The following CFAP70 variants were observed in gnomAD, a reference collection of about 807,000 sequenced individuals.
CFAP70 encodes the protein cilia and flagella associated protein 70.
A neutral mutation model predicts 137.6 loss-of-function variants in CFAP70; 81 were observed. The ratio of observed to expected loss-of-function variants is 0.59; its 90% CI spans 0.49 to 0.71. The LOEUF is 0.71. CFAP70 is among the 30% of genes least tolerant of loss of function. The pLI, the probability that CFAP70 is intolerant of heterozygous loss-of-function variation, is 0.00. For missense variants in CFAP70, 976 were observed against 1,226.7 expected, an observed-to-expected ratio of 0.80 and a Z score of 3.05; for synonymous variants, 382 against 423.6, an observed-to-expected ratio of 0.90 and a Z score of 1.20.
chr10:73,343,315 C>T (rs555595773), intron 5 of CFAP70, among the ~76,000 whole-genome samples: 96 of 152,134 alleles, frequency 6.3e-4, no homozygotes, highest in African/African-American at 2.1e-3. Flanking sequence ...TGATGCTGCG[C>T]CAACCCAGGA....
intron 16 of CFAP70, among the ~76,000 whole-genome samples, chr10:73,292,888 T>A (rs541400557): frequency 4.6e-5 from 7 of 152,192 alleles, no homozygotes; most frequent in Non-Finnish European, 1.0e-4. Context: ...CGGTGTCACG[T>A]CTAAGAACTC....
intron 26 of CFAP70, among the ~76,000 whole-genome samples, chr10:73,254,965 C>G (rs983184198): frequency 3.0e-4 from 46 of 152,258 alleles, no homozygotes; most frequent in African/African-American, 1.1e-3. Context: ...ACTTGCAATT[C>G]ATAACTAATA....
At chr10:73,299,521 A>T in intron 13 of CFAP70, 84 bp downstream of exon 14, 13 of 1,125,354 alleles carry the variant, frequency 1.2e-5, no homozygotes, top group Non-Finnish European at 1.6e-5. Context: ...CTTCTGGAAG[A>T]CATATTAAAG....
chr10:73,255,289 A>G (rs2044369111), intron 26 of CFAP70, among the ~76,000 whole-genome samples: 1 of 152,076 alleles, frequency 6.6e-6, no homozygotes, highest in Admixed American at 6.5e-5. Context: ...CCAGCTACTC[A>G]GGAGGCTGAA....
chr10:73,304,858 A>AC (rs1332161703), intron 12 of CFAP70, among the ~76,000 whole-genome samples: 74 of 149,494 alleles, frequency 5.0e-4, no homozygotes, highest in Non-Finnish European at 6.8e-4. Context: ...AAAAAAAAAA[A>AC]ACACACACAC....
At chr10:73,281,552 G>A (rs968222674) in intron 19 of CFAP70, among the ~76,000 whole-genome samples, 1 of 152,010 alleles carries the variant, frequency 6.6e-6, no homozygotes, top group African/African-American at 2.4e-5. Flanking sequence ...GGTGTGGGTG[G>A]AGCCTGGTTT....
rs2050397770 is a variant in CFAP70 at position 73,316,510 on chromosome 10, AT to A, written c.913-3868del. ...TAGATATATATATATATATATATAT[AT>A]ATGACGTACACATAAATATATATGT... On this transcript the variant is annotated intron_variant, in intron 9 of 26. Coordinates refer to ENST00000310715, the Ensembl canonical transcript of CFAP70. 4.8e-5 allele frequency among the ~76,000 whole-genome samples: 7 copies of A among 144,758 alleles called. No individual in the cohort carries two copies. The South Asian group carries it at 1.5e-3, about 31-fold the overall frequency. 95.0% of individuals were successfully genotyped at this position (144,758 alleles called of 152,430 possible). A position where few individuals can be genotyped will look rare whatever the true frequency, so the allele number is the denominator to read the frequency against.
chr10:73,296,077 C>T (rs1234518338), intron 15 of CFAP70: 2 of 152,218 alleles, frequency 1.3e-5, no homozygotes, highest in East Asian at 3.8e-4. Context: ...ACTTTTTCCT[C>T]CTTATTATGC....
intron 19 of CFAP70, among the ~76,000 whole-genome samples, chr10:73,289,264 C>A (rs1344042197): frequency 6.6e-6 from 1 of 151,806 alleles, no homozygotes; most frequent in Non-Finnish European, 1.5e-5. Flanking sequence ...AAGCATAAAT[C>A]AATAATTAAT....
chr10:73,263,604 T>A (rs910714263), intron 25 of CFAP70, among the ~76,000 whole-genome samples: 1 of 152,204 alleles, frequency 6.6e-6, no homozygotes, highest in African/African-American at 2.4e-5. Context: ...AGGAATACCA[T>A]AAAAATGTTC....
rs374654371 is a variant in CFAP70 at position 73,258,605 on chromosome 10, C to G, written c.3028-2189G>C. Among the ~76,000 whole-genome samples, 53 of 152,350 alleles carry G rather than the reference C, an allele frequency of 3.5e-4. 1 individual carries two copies. Among genetic ancestry groups the G allele is most frequent in the African/African-American group, 1.2e-3 (49 of 41,584 alleles). On this transcript the variant is annotated intron_variant, in intron 25 of 26. Transcript: ENST00000310715. ...GGAACAAGGGAAATAACTATTGGGC[C>G]TGACTGCCTGCAGGGCCGGACAGAA...
intron 25 of CFAP70, among the ~76,000 whole-genome samples, chr10:73,257,889 T>A (rs2044683901): frequency 6.7e-6 from 1 of 149,518 alleles, no homozygotes; most frequent in South Asian, 2.2e-4. Flanking sequence ...TTTTTTTTTT[T>A]TTTTTTGAGA....
At chr10:73,334,880 GTT>G (rs369007041) in intron 7 of CFAP70, among the ~76,000 whole-genome samples, 20 of 128,536 alleles carry the variant, frequency 1.6e-4, no homozygotes, top group Admixed American at 2.4e-4. Flanking sequence ...ACCTGGCCGA[GTT>G]TTTTTTTTTT....
At chr10:73,302,631 A>G (rs1317068224) in intron 12 of CFAP70, among the ~76,000 whole-genome samples, 1 of 151,920 alleles carries the variant, frequency 6.6e-6, no homozygotes, top group Non-Finnish European at 1.5e-5. Flanking sequence ...AACACAATAA[A>G]TTATCAAGCT....
intron 12 of CFAP70, 62 bp downstream of exon 13, chr10:73,310,096 C>T (rs2132080005): frequency 1.9e-6 from 2 of 1,058,404 alleles, no homozygotes; most frequent in Non-Finnish European, 2.8e-6. Flanking sequence ...TGGGGACAAT[C>T]TGACTTCCTC....
At chr10:73,338,587 C>CAG (rs2052932248) in intron 6 of CFAP70, among the ~76,000 whole-genome samples, 2 of 151,596 alleles carry the variant, frequency 1.3e-5, no homozygotes, top group Admixed American at 6.6e-5. Flanking sequence ...TGTGCCACTA[C>CAG]ACCCAGCCAA....
chr10:73,322,630 A>G (rs1050752765), intron 9 of CFAP70, among the ~76,000 whole-genome samples: 1 of 148,446 alleles, frequency 6.7e-6, no homozygotes, highest in African/African-American at 2.5e-5. Context: ...TTCATTTAGC[A>G]TAATGCATTT....
At chr10:73,354,933 G>T in intron 1 of CFAP70, 98 bp from the exon 2 acceptor site, 1 of 721,816 alleles carries the variant, frequency 1.4e-6, no homozygotes, top group Non-Finnish European at 2.4e-6. Flanking sequence ...CTAAGGAAAT[G>T]CCATAGTCCA....
At position 73,339,686 on chromosome 10, in the gene CFAP70, C is replaced by T. The variant is rs192673674; in HGVS notation, c.582+1713G>A. On this transcript the variant is annotated intron_variant, in intron 6 of 26. Transcript: ENST00000310715. ...CTGCAGCAGAGCCGGCAGCTCCAGGCGTCAGCACAGGTGCCAGCTCCCTGC... is the reference window on the plus strand; with the variant it reads ...CTGCAGCAGAGCCGGCAGCTCCAGGTGTCAGCACAGGTGCCAGCTCCCTGC... Among the ~76,000 whole-genome samples, 51 of 152,322 alleles carry T rather than the reference C, an allele frequency of 3.3e-4. 1 individual carries two copies. The East Asian group carries it at 6.6e-3, about 20-fold the overall frequency.
Sources: gnomAD v4.1 joint callset for allele counts (sites outside exome capture counted in the v4.1 genomes callset) on GRCh38, gnomAD v4.1.1 for gene constraint, MANE v1.5 for transcripts, NCBI Gene and HGNC (gene_info 2026-07-23, HGNC 2026-07-21) for gene names.